NTM: variants seen among roughly 807,000 people sequenced by gnomAD.
NTM encodes the protein neurotrimin, also known as IgLON family member 2.
Under a neutral mutation model 42.1 loss-of-function variants are expected in NTM, and 13 were observed. That is an observed-to-expected ratio of 0.31 (90% confidence interval 0.20 to 0.49). The LOEUF (loss-of-function observed/expected upper bound fraction) is 0.49, where lower values mean the gene tolerates loss of function less well. NTM is among the 20% of genes least tolerant of loss of function. The probability of loss-of-function intolerance (pLI) is 0.99; values close to 1 mark genes in which losing one functional copy is unlikely to be tolerated. For missense variants in NTM, 373 were observed against 452.8 expected, an observed-to-expected ratio of 0.82 and a Z score of 1.60; for synonymous variants, 187 against 179.2, an observed-to-expected ratio of 1.04 and a Z score of -0.35.
chr11:131,741,197 G>GAGAGAGAGAT (rs2081159294), intron 1 of NTM, among the ~76,000 whole-genome samples: 1 of 130,820 alleles, frequency 7.6e-6, no homozygotes. Flanking sequence ...GAGAGAGAGA[G>GAGAGAGAGAT]AGAGAGAGAG....
intron 2 of NTM, among the ~76,000 whole-genome samples, chr11:131,958,206 C>T (rs1447690651): frequency 6.6e-6 from 1 of 152,166 alleles, no homozygotes; most frequent in African/African-American, 2.4e-5. Flanking sequence ...CCCAATTTAG[C>T]AGTCTTTAGA....
intron 5 of NTM, 32 bp from the exon 6 acceptor site, chr11:132,310,080 G>A (rs1565445916): frequency 7.7e-6 from 12 of 1,551,022 alleles, no homozygotes; most frequent in Non-Finnish European, 1.0e-5. Flanking sequence ...AAAAAGGTGG[G>A]GGGGCGGCTA....
intron 4 of NTM, among the ~76,000 whole-genome samples, chr11:132,245,651 C>T (rs1196908658): frequency 1.3e-5 from 2 of 152,094 alleles, no homozygotes; most frequent in African/African-American, 4.8e-5. Context: ...CAGAGCGTCA[C>T]GGGGACTCTG....
chr11:131,601,278 G>A (rs1376029490), intron 1 of NTM, among the ~76,000 whole-genome samples: 1 of 152,168 alleles, frequency 6.6e-6, no homozygotes, highest in Non-Finnish European at 1.5e-5. Flanking sequence ...TGAGGCAGAA[G>A]GAGCATGATG....
At chr11:131,387,412 C>A (rs1306625759) in intron 1 of NTM, among the ~76,000 whole-genome samples, 1 of 152,152 alleles carries the variant, frequency 6.6e-6, no homozygotes, top group Non-Finnish European at 1.5e-5. Flanking sequence ...CAGCTCCATA[C>A]CTTTGCAGGA....
At chr11:131,574,720 G>A (rs1592096969) in intron 1 of NTM, among the ~76,000 whole-genome samples, 1 of 152,112 alleles carries the variant, frequency 6.6e-6, no homozygotes, top group African/African-American at 2.4e-5. Flanking sequence ...GAAGGAAGAG[G>A]TGTGGCCTAC....
chr11:131,698,090 C>T (rs981652952), intron 1 of NTM, among the ~76,000 whole-genome samples: 2 of 152,204 alleles, frequency 1.3e-5, no homozygotes, highest in African/African-American at 2.4e-5. Context: ...CAGGTCAAGA[C>T]AGACAAAGTT....
At chr11:131,411,725 G>T (rs11825728) in intron 1 of NTM, among the ~76,000 whole-genome samples, 3,995 of 152,172 alleles carry the variant, frequency 0.026, 71 homozygotes, top group African/African-American at 0.051. Flanking sequence ...CATCGCAGTT[G>T]TACGTGGGGA....
intron 1 of NTM, among the ~76,000 whole-genome samples, chr11:131,392,804 T>A (rs902315783): frequency 1.3e-5 from 2 of 152,172 alleles, no homozygotes; most frequent in African/African-American, 4.8e-5. Flanking sequence ...TCTCTTGAGA[T>A]CAGAATTTGA....
Position 131,972,071 on chromosome 11 carries a change from G to A in NTM, c.167+60423G>A, listed in dbSNP as rs575222190. Among the ~76,000 whole-genome samples, 115 of 84,200 alleles carry A rather than the reference G, an allele frequency of 1.4e-3. 2 individuals are homozygous for A. The highest frequency in any genetic ancestry group is 4.8e-3 in the African/African-American group (110 of 22,732). The allele number at this position is 84,200 out of a possible 152,430, so 55.2% of individuals were successfully genotyped here. On this transcript the variant is annotated intron_variant, in intron 2 of 8. Transcript: ENST00000683400. ...AAAAAAAAAAAAAAAAAATTAGCCA[G>A]GTGTGGTGGCACACAACTGTAGTCC...
intron 1 of NTM, among the ~76,000 whole-genome samples, chr11:131,770,610 A>G (rs2085910323): frequency 6.6e-6 from 1 of 152,194 alleles, no homozygotes; most frequent in Non-Finnish European, 1.5e-5. Flanking sequence ...GGTAAATTAA[A>G]TCAACAGTCT....
rs140489164 is a variant in NTM at position 131,825,370 on chromosome 11, A to C, written c.83-86194A>C. ...AGATATTAGGGGTTAGGACTTCAGC[A>C]TATGAATTTTTGTATGGTGGTGGGG... On this transcript the variant is annotated intron_variant, in intron 1 of 8. Transcript: ENST00000683400. Among the ~76,000 whole-genome samples the C allele has an allele frequency of 2.9e-3, 439 of 150,456 alleles. 2 individuals carry two copies. Among genetic ancestry groups the C allele is most frequent in the African/African-American group, 0.01 (416 of 40,874 alleles).
chr11:131,789,652 AAG>A (rs1248663562), intron 1 of NTM, among the ~76,000 whole-genome samples: 7 of 138,214 alleles, frequency 5.1e-5, no homozygotes, highest in Non-Finnish European at 9.4e-5. Flanking sequence ...GAAGAAGAAG[AAG>A]AAGAAGAAGA....
chr11:132,125,793 TGTG>T (rs1234582881), intron 2 of NTM, among the ~76,000 whole-genome samples: 1 of 67,986 alleles, frequency 1.5e-5, no homozygotes, highest in African/African-American at 5.3e-5. Flanking sequence ...TGTTGTGTGT[TGTG>T]TATCTGTGTG....
At chr11:132,258,410 G>A (rs115590234) in intron 4 of NTM, among the ~76,000 whole-genome samples, 3 of 152,058 alleles carry the variant, frequency 2.0e-5, no homozygotes, top group African/African-American at 7.2e-5. Context: ...CTAGGAGGTC[G>A]CTCGATGTTG....
intron 2 of NTM, among the ~76,000 whole-genome samples, chr11:131,985,596 G>A (rs1042738068): frequency 6.6e-5 from 10 of 152,152 alleles, no homozygotes; most frequent in Admixed American, 5.2e-4. Context: ...TGACTTCCAA[G>A]ATCACCACGA....
chr11:132,314,772 GC>G (rs2095379381), intron 7 of NTM, 69 bp downstream of exon 7: 3 of 1,498,066 alleles, frequency 2.0e-6, no homozygotes, highest in African/African-American at 2.8e-5. Context: ...GGGTGGGAGG[GC>G]CCCTCAAGGC....
intron 1 of NTM, among the ~76,000 whole-genome samples, chr11:131,903,176 T>G (rs1055242091): frequency 6.6e-5 from 10 of 152,064 alleles, no homozygotes; most frequent in Non-Finnish European, 1.3e-4. Context: ...ACAGACAGTG[T>G]GCAACCAGTC....
intron 1 of NTM, among the ~76,000 whole-genome samples, chr11:131,609,435 A>T (rs1395475094): frequency 4.6e-5 from 7 of 152,230 alleles, no homozygotes; most frequent in Non-Finnish European, 1.0e-4. Flanking sequence ...CACACTCAGT[A>T]GTGGAAGCTG....
Sources: gnomAD v4.1 joint callset for allele counts (sites outside exome capture counted in the v4.1 genomes callset) on GRCh38, gnomAD v4.1.1 for gene constraint, MANE v1.5 for transcripts, NCBI Gene and HGNC (gene_info 2026-07-23, HGNC 2026-07-21) for gene names.